The following NTM variants were observed in gnomAD, a reference collection of about 807,000 sequenced individuals.
NTM encodes neurotrimin.
Under a neutral mutation model 42.1 loss-of-function variants are expected in NTM, and 13 were observed. That is an observed-to-expected ratio of 0.31 (90% CI 0.20 to 0.49). The LOEUF is 0.49. Among genes scored for constraint, NTM ranks in the 20% least tolerant of loss-of-function variants. NTM has a pLI of 0.99. For synonymous variants in NTM, 187 were observed against 179.2 expected, an observed-to-expected ratio of 1.04 and a Z score of -0.35; for missense variants, 373 against 452.8, an observed-to-expected ratio of 0.82 and a Z score of 1.60.
At chr11:132,086,144 G>A (rs1331145457) in intron 2 of NTM, among the ~76,000 whole-genome samples, 1 of 151,950 alleles carries the variant, frequency 6.6e-6, no homozygotes, top group Non-Finnish European at 1.5e-5. Flanking sequence ...CTAATATGGT[G>A]AAAACCCGTC....
intron 2 of NTM, among the ~76,000 whole-genome samples, chr11:132,050,558 A>T (rs2078710862): frequency 6.6e-6 from 1 of 152,196 alleles, no homozygotes; most frequent in South Asian, 2.1e-4. Flanking sequence ...GAAAACATGC[A>T]ATTACACAAA....
intron 4 of NTM, among the ~76,000 whole-genome samples, chr11:132,230,484 T>C (rs1001500078): frequency 2.6e-5 from 4 of 152,196 alleles, no homozygotes; most frequent in African/African-American, 9.6e-5. Flanking sequence ...CAGCTGTCTT[T>C]TCTGCATTTG....
At chr11:131,711,659 C>T (rs2077147732) in intron 1 of NTM, among the ~76,000 whole-genome samples, 1 of 152,018 alleles carries the variant, frequency 6.6e-6, no homozygotes, top group Non-Finnish European at 1.5e-5. Flanking sequence ...ATAAATCATG[C>T]TGCTATAAAG....
At chr11:132,275,844 C>G (rs1165420407) in intron 4 of NTM, among the ~76,000 whole-genome samples, 1 of 150,652 alleles carries the variant, frequency 6.6e-6, no homozygotes, top group East Asian at 1.9e-4. Context: ...TGAGAACATT[C>G]AAAAGCCTCT....
chr11:132,178,167 G>T (rs565520474), intron 3 of NTM, among the ~76,000 whole-genome samples: 1 of 152,340 alleles, frequency 6.6e-6, no homozygotes, highest in African/African-American at 2.4e-5. Flanking sequence ...AGATAGGGAG[G>T]CTGGCTCCGC....
intron 1 of NTM, among the ~76,000 whole-genome samples, chr11:131,847,456 A>G (rs1295672095): frequency 6.6e-6 from 1 of 152,134 alleles, no homozygotes; most frequent in Non-Finnish European, 1.5e-5. Context: ...CATCTGTGCA[A>G]GGATAGGTCC....
chr11:132,148,028 G>T lies in NTM; in HGVS notation c.400+1514G>T, dbSNP rs144893915. Among the ~76,000 whole-genome samples, 23 of 152,272 alleles carry T rather than the reference G, an allele frequency of 1.5e-4. 2 individuals carry two copies. The highest frequency in any genetic ancestry group is 5.1e-4 in the African/African-American group (21 of 41,546). ...TGCTGGACCTGGCTGTGGGCAGAAC[G>T]TATGCCAGGGGACATGGGAATCCTT... On this transcript the variant is annotated intron_variant, in intron 3 of 8. Transcript: ENST00000683400.
chr11:131,666,833 G>T (rs368619663), intron 1 of NTM, among the ~76,000 whole-genome samples: 43 of 152,196 alleles, frequency 2.8e-4, no homozygotes, highest in African/African-American at 1.0e-3. Context: ...CCAGGGAGGG[G>T]GGCATTCTTT....
At chr11:131,927,544 A>G (rs1253984481) in intron 2 of NTM, among the ~76,000 whole-genome samples, 1 of 152,204 alleles carries the variant, frequency 6.6e-6, no homozygotes, top group Non-Finnish European at 1.5e-5. Flanking sequence ...GCCTATGGTC[A>G]CCTTCCTCTG....
At chr11:131,906,596 C>T (rs77878724) in intron 1 of NTM, among the ~76,000 whole-genome samples, 15 of 152,274 alleles carry the variant, frequency 9.9e-5, no homozygotes, top group Middle Eastern at 3.4e-3. Flanking sequence ...CAGGCTGTCC[C>T]CTTTGGGCAC....
intron 1 of NTM, among the ~76,000 whole-genome samples, chr11:131,698,570 C>T (rs942692413): frequency 6.6e-6 from 1 of 151,856 alleles, no homozygotes; most frequent in Non-Finnish European, 1.5e-5. Flanking sequence ...AGACATTTCC[C>T]ATTGGAAAAA....
intron 1 of NTM, among the ~76,000 whole-genome samples, chr11:131,435,137 C>G (rs1949016533): frequency 6.6e-6 from 1 of 152,064 alleles, no homozygotes; most frequent in Non-Finnish European, 1.5e-5. Context: ...CTGTTCTGTT[C>G]CATTGGTCTA....
intron 4 of NTM, among the ~76,000 whole-genome samples, chr11:132,293,512 T>A (rs1242094127): frequency 6.6e-6 from 1 of 151,906 alleles, no homozygotes; most frequent in Non-Finnish European, 1.5e-5. Context: ...GTGGGGAGGA[T>A]GTGGAGTGCA....
intron 1 of NTM, among the ~76,000 whole-genome samples, chr11:131,375,645 G>A (rs1267613065): frequency 6.6e-6 from 1 of 152,188 alleles, no homozygotes; most frequent in Non-Finnish European, 1.5e-5. Flanking sequence ...ATGGTGGAGA[G>A]GGGGAGCACT....
At chr11:132,175,384 T>C (rs1004054322) in intron 3 of NTM, among the ~76,000 whole-genome samples, 3 of 152,146 alleles carry the variant, frequency 2.0e-5, no homozygotes, top group Non-Finnish European at 4.4e-5. Flanking sequence ...CCATAAGCAT[T>C]AGCACCCCAA....
intron 2 of NTM, among the ~76,000 whole-genome samples, chr11:131,965,349 GA>G (rs2062704141): frequency 6.6e-6 from 1 of 152,058 alleles, no homozygotes; most frequent in Non-Finnish European, 1.5e-5. Flanking sequence ...AGCAGACAAG[GA>G]AATAACTTAT....
chr11:132,119,049 TTC>T (rs1450765525), intron 2 of NTM, among the ~76,000 whole-genome samples: 4 of 152,162 alleles, frequency 2.6e-5, no homozygotes, highest in African/African-American at 9.7e-5. Flanking sequence ...TGAAAAGATG[TTC>T]TCTCATCCAT....
At chr11:131,809,502 G>A (rs775284033) in intron 1 of NTM, among the ~76,000 whole-genome samples, 11 of 152,190 alleles carry the variant, frequency 7.2e-5, no homozygotes, top group Admixed American at 2.6e-4. Flanking sequence ...GGGTACCAGG[G>A]AGCATGGGAG....
At chr11:131,561,008 T>C (rs1386025676) in intron 1 of NTM, among the ~76,000 whole-genome samples, 1 of 152,226 alleles carries the variant, frequency 6.6e-6, no homozygotes, top group Non-Finnish European at 1.5e-5. Context: ...AAGATCACCC[T>C]GGACCTTCGT....
Sources: gnomAD v4.1 joint callset for allele counts (sites outside exome capture counted in the v4.1 genomes callset) on GRCh38, gnomAD v4.1.1 for gene constraint, MANE v1.5 for transcripts, NCBI Gene and HGNC (gene_info 2026-07-23, HGNC 2026-07-21) for gene names.